The following GSAP variants were observed in gnomAD, a reference collection of about 807,000 sequenced individuals.
GSAP encodes gamma-secretase-activating protein.
GSAP carries 118 observed loss-of-function variants against 131.7 expected under a neutral mutation model. The ratio of observed to expected loss-of-function variants is 0.90; its 90% CI spans 0.77 to 1.04. The LOEUF (loss-of-function observed/expected upper bound fraction) is 1.04. GSAP is among the 50% of genes least tolerant of loss of function. GSAP has a pLI of 0.00. For synonymous variants in GSAP, 381 were observed against 363.4 expected (o/e 1.05, Z -0.55); for missense variants, 1,019 against 1,013.2 (o/e 1.01, Z -0.08).
At chr7:77,339,574 T>A (rs1411790255) in intron 19 of GSAP, among the ~76,000 whole-genome samples, 2 of 152,106 alleles carry the variant, frequency 1.3e-5, no homozygotes, top group Admixed American at 1.3e-4. Flanking sequence ...CCCCCAAGCA[T>A]GTGTGGAAAT....
intron 19 of GSAP, among the ~76,000 whole-genome samples, chr7:77,341,509 G>A (rs1790894744): frequency 6.6e-6 from 1 of 152,182 alleles, no homozygotes; most frequent in African/African-American, 2.4e-5. Context: ...GGTGGCTGGA[G>A]CTAAAGGCAC....
At chr7:77,401,019 AAAC>A (rs994670234) in intron 3 of GSAP, among the ~76,000 whole-genome samples, 4 of 152,028 alleles carry the variant, frequency 2.6e-5, no homozygotes, top group African/African-American at 4.8e-5. Flanking sequence ...GTGAACTTGA[AAAC>A]AATAGAAGTT....
chr7:77,334,545 G>T (rs1326080860), intron 19 of GSAP, among the ~76,000 whole-genome samples: 2 of 130,882 alleles, frequency 1.5e-5, no homozygotes, highest in Non-Finnish European at 3.1e-5. Context: ...TAACAAACCT[G>T]CATGTCCTGC....
intron 19 of GSAP, among the ~76,000 whole-genome samples, chr7:77,334,841 T>A (rs1371827671): frequency 6.6e-6 from 1 of 152,032 alleles, no homozygotes; most frequent in African/African-American, 2.4e-5. Context: ...TCCCAGCACT[T>A]TGGGAGACCG....
At chr7:77,353,109 G>A (rs1045525877) in intron 17 of GSAP, 83 bp from the exon 18 acceptor site, 16 of 743,276 alleles carry the variant, frequency 2.2e-5, no homozygotes, top group East Asian at 5.0e-5. Context: ...ACCAAAACAC[G>A]CAAACCAACA....
intron 19 of GSAP, among the ~76,000 whole-genome samples, chr7:77,339,938 G>A (rs568547801): frequency 1.3e-5 from 2 of 152,180 alleles, no homozygotes; most frequent in African/African-American, 2.4e-5. Context: ...ATTATCCCTT[G>A]TCAGGCCTCT....
intron 14 of GSAP, among the ~76,000 whole-genome samples, chr7:77,359,377 C>G (rs1227960098): frequency 1.3e-5 from 2 of 152,076 alleles, no homozygotes; most frequent in East Asian, 3.9e-4. Flanking sequence ...TTAACATACA[C>G]TATTCATTAA....
intron 28 of GSAP, among the ~76,000 whole-genome samples, chr7:77,312,774 G>A (rs539600495): frequency 5.9e-5 from 9 of 152,352 alleles, no homozygotes; most frequent in African/African-American, 2.4e-5. Context: ...ACAGACAGCC[G>A]TTCGTGAGAG....
chr7:77,362,472 G>A (rs1008010622), intron 13 of GSAP, 111 bp downstream of exon 13: 4 of 638,222 alleles, frequency 6.3e-6, no homozygotes, highest in African/African-American at 1.9e-5. Context: ...GGGTGACAAA[G>A]GGAGACCCTG....
At chr7:77,388,533 A>G (rs1407813731) in intron 5 of GSAP, among the ~76,000 whole-genome samples, 1 of 152,170 alleles carries the variant, frequency 6.6e-6, no homozygotes, top group African/African-American at 2.4e-5. Flanking sequence ...GTTACCAAAG[A>G]TATCTAAATT....
intron 18 of GSAP, 65 bp from the exon 19 acceptor site, chr7:77,349,469 T>G: frequency 7.2e-7 from 1 of 1,380,000 alleles, no homozygotes; most frequent in Non-Finnish European, 1.0e-6. Context: ...GCTCAAGCTT[T>G]CAGGGAGTGT....
chr7:77,406,439 CTA>C (rs1802281945), intron 1 of GSAP, among the ~76,000 whole-genome samples: 1 of 152,156 alleles, frequency 6.6e-6, no homozygotes, highest in Non-Finnish European at 1.5e-5. Flanking sequence ...TTTCAAGTAT[CTA>C]TTAGTTTTTG....
chr7:77,363,345 T>C (rs1794810571), intron 12 of GSAP, among the ~76,000 whole-genome samples: 1 of 152,238 alleles, frequency 6.6e-6, no homozygotes, highest in African/African-American at 2.4e-5. Context: ...TGCTGCTGTA[T>C]GGACTAATGT....
At chr7:77,350,224 G>A (rs889892283) in intron 18 of GSAP, among the ~76,000 whole-genome samples, 1 of 134,498 alleles carries the variant, frequency 7.4e-6, no homozygotes, top group African/African-American at 2.8e-5. Context: ...ACTGAACAAT[G>A]AGAACACACG....
rs1427639935 is a variant in GSAP, at chr7:77,355,505, A to T, written c.1120+50T>A. On this transcript the variant is annotated intron_variant, in intron 15 of 30. Transcript: ENST00000257626. ...TCACCCAAACATAGATATTAAAGTC[A>T]AAACAAACTCAAATGGGCCACCTCT... is the stretch of plus-strand genomic sequence containing the variant. The T allele has an allele frequency of 2.0e-6, 3 of 1,529,258 alleles. No homozygotes were observed. The South Asian group carries it at 3.5e-5, about 18-fold the overall frequency. 94.7% of individuals were successfully genotyped at this position (1,529,258 alleles called of 1,614,324 possible).
At chr7:77,324,949 G>A (rs185553829) in intron 23 of GSAP, among the ~76,000 whole-genome samples, 6 of 149,702 alleles carry the variant, frequency 4.0e-5, no homozygotes, top group African/African-American at 7.4e-5. Context: ...CCCAGTAGCC[G>A]AGATTACAGG....
At chr7:77,409,967 C>T (rs1414743240) in intron 1 of GSAP, among the ~76,000 whole-genome samples, 1 of 152,130 alleles carries the variant, frequency 6.6e-6, no homozygotes, top group Non-Finnish European at 1.5e-5. Context: ...AAGCCATACC[C>T]AGGATATTCT....
chr7:77,341,957 C>G (rs1188386988), intron 19 of GSAP, among the ~76,000 whole-genome samples: 2 of 152,192 alleles, frequency 1.3e-5, no homozygotes, highest in African/African-American at 4.8e-5. Context: ...CCTCCTCCCC[C>G]AGGATCTTAC....
At chr7:77,385,024 G>A (rs1003128237) in intron 6 of GSAP, among the ~76,000 whole-genome samples, 6 of 150,824 alleles carry the variant, frequency 4.0e-5, no homozygotes, top group Admixed American at 2.6e-4. Flanking sequence ...CCTGTTCCAT[G>A]TACTTCTAAC....
Sources: gnomAD v4.1 joint callset for allele counts (sites outside exome capture counted in the v4.1 genomes callset) on GRCh38, gnomAD v4.1.1 for gene constraint, MANE v1.5 for transcripts, NCBI Gene and HGNC (gene_info 2026-07-23, HGNC 2026-07-21) for gene names.